Variants in PSMC1 observed in about 807,000 individuals in gnomAD.
PSMC1 encodes proteasome 26S subunit, ATPase 1, also known as 26S proteasome regulatory subunit 4.
Under a neutral mutation model 49.8 loss-of-function variants are expected in PSMC1, and 5 were observed. The ratio of observed to expected loss-of-function variants is 0.10; its 90% CI spans 0.05 to 0.21. The LOEUF (loss-of-function observed/expected upper bound fraction) is 0.21. PSMC1 is among the 10% of genes least tolerant of loss of function. The pLI is 1.00. For synonymous variants in PSMC1, 155 were observed against 192.1 expected (o/e 0.81, Z 1.60); for missense variants, 181 against 535.7 (o/e 0.34, Z 6.54).
In PSMC1 at chr14:90,273,386, CA is replaced by C. The variant is rs1057286633; in HGVS notation, c.*980del. Reference sequence around the variant, plus strand: ...CAGCCTGGCCAACATGGTGAAACCCCATCTTTACTAAAAATACAAAAATTAG... The same window carrying C: ...CAGCCTGGCCAACATGGTGAAACCCCTCTTTACTAAAAATACAAAAATTAG... On this transcript the variant is annotated 3_prime_UTR_variant, in exon 11 of 11. Transcript: ENST00000261303. The C allele has an allele frequency of 1.5e-4, 11 of 72,738 alleles. No individual in the cohort carries two copies. The highest frequency in any genetic ancestry group is 3.6e-4 in the African/African-American group (11 of 30,944). The allele number at this position is 72,738 out of a possible 1,614,324, so 4.5% of individuals were successfully genotyped here. A position where few individuals can be genotyped will look rare whatever the true frequency, so the allele number is the denominator to read the frequency against.
At position 90,268,158 on chromosome 14, in the gene PSMC1, C is replaced by T. The variant is rs371887140; in HGVS notation, c.692-66C>T. The stretch of plus-strand genomic sequence containing the variant: ...GTGTCCATTTAAGGTGGTAATGATA[C>T]GAGTTTTTAAGTTAAAATGGCACTT... On this transcript the variant is annotated intron_variant, in intron 7 of 10. Transcript: ENST00000261303. The T allele has an allele frequency of 1.0e-4, 137 of 1,335,672 alleles. No homozygotes were observed. In the African/African-American group the frequency reaches 1.6e-3, roughly 15 times the overall value. The allele number at this position is 1,335,672 out of a possible 1,614,324, so 82.7% of individuals were successfully genotyped here.
chr14:90,260,548 CG>C, intron 3 of PSMC1, among the ~76,000 whole-genome samples: 1 of 152,256 alleles, frequency 6.6e-6, no homozygotes, highest in East Asian at 1.9e-4. Flanking sequence ...TGGCAAAACA[CG>C]GTGAAACCCT....
chr14:90,262,569 G>A (rs2139644537), intron 3 of PSMC1, among the ~76,000 whole-genome samples: 1 of 152,278 alleles, frequency 6.6e-6, no homozygotes, highest in Admixed American at 6.5e-5. Flanking sequence ...TGGATCACGA[G>A]GTCAGGAGAT....
chr14:90,262,927 T>C (rs938241481), intron 3 of PSMC1, among the ~76,000 whole-genome samples: 3 of 152,150 alleles, frequency 2.0e-5, no homozygotes, highest in African/African-American at 7.2e-5. Context: ...TACAAATAGA[T>C]GAGTATGTAT....
In PSMC1 at chr14:90,265,182, G is replaced by T. The variant is rs372545289; in HGVS notation, c.691+16G>T. On this transcript the variant is annotated intron_variant, in intron 7 of 10. Transcript: ENST00000261303. ...CCTGGCACAGGTATGCTCTGTTTTT[G>T]ACACTTTCCAGGCACCCAGCTGGTC... is the stretch of plus-strand genomic sequence containing the variant. 1.3e-6 allele frequency: 2 copies of T among 1,581,356 alleles called. No homozygotes were observed. Among genetic ancestry groups the T allele is most frequent in the African/African-American group, 2.7e-5 (2 of 73,952 alleles).
At chr14:90,265,726 G>T (rs1292916353) in intron 7 of PSMC1, among the ~76,000 whole-genome samples, 2 of 150,532 alleles carry the variant, frequency 1.3e-5, no homozygotes, top group East Asian at 2.0e-4. Flanking sequence ...GGGCGTGGTA[G>T]TGCATGCCTG....
At chr14:90,262,892 TA>T (rs1198228645) in intron 3 of PSMC1, among the ~76,000 whole-genome samples, 1 of 152,172 alleles carries the variant, frequency 6.6e-6, no homozygotes, top group Non-Finnish European at 1.5e-5. Context: ...TAAGCAGGGT[TA>T]ATATCCCTGA....
rs1891701578 is a variant in PSMC1, at chr14:90,272,711, G to GA, written c.*306dup. The GA allele has an allele frequency of 4.2e-6, 1 of 236,234 alleles. No homozygotes were observed. The highest frequency in any genetic ancestry group is 2.3e-5 in the African/African-American group (1 of 43,466). The allele number at this position is 236,234 out of a possible 1,614,324, so 14.6% of individuals were successfully genotyped here. On this transcript the variant is annotated 3_prime_UTR_variant, in exon 11 of 11. Coordinates refer to ENST00000261303, the MANE Select transcript of PSMC1 (RefSeq NM_002802.3). The surrounding 1 kb of genome is among the most constrained non-coding windows in gnomAD (Gnocchi z 4.5). ...CAGCTACAGGGAAGCCTTTGGACAGGAACTCAGGCTGCGGTCCCAAGGAGT... is the reference window on the plus strand; with the variant it reads ...CAGCTACAGGGAAGCCTTTGGACAGGAAACTCAGGCTGCGGTCCCAAGGAGT...
intron 3 of PSMC1, 42 bp from the exon 4 acceptor site, chr14:90,263,276 T>C: frequency 1.3e-6 from 2 of 1,559,372 alleles, no homozygotes; most frequent in Non-Finnish European, 8.6e-7. Context: ...ACTTGCAAAC[T>C]TCAGGGTCCA....
At chr14:90,268,191 CTTTTT>C (rs34247505) in intron 7 of PSMC1, 28 bp from the exon 8 acceptor site, 2 of 1,303,802 alleles carry the variant, frequency 1.5e-6, no homozygotes, top group Admixed American at 2.6e-5. Flanking sequence ...CTTAAGGTGT[CTTTTT>C]TTTTTTTATC....
chr14:90,259,198 C>G lies in PSMC1; in HGVS notation c.42C>G (p.Gly14=). 6.2e-7 allele frequency: 1 copy of G among 1,613,632 alleles called. No homozygotes were observed. Among genetic ancestry groups the G allele is most frequent in the Non-Finnish European group, 8.5e-7 (1 of 1,179,758 alleles). Residue 14 remains glycine (G), a synonymous_variant, in exon 2 of 11, where the codon GGC becomes GGG. Transcript: ENST00000261303. The part of the protein sequence containing the change: ...SQSGGHGPGG[G]KKDDKDKKKK... ...GTGGTGGTCATGGTCCTGGAGGTGG[C>G]AAGAAGGATGACAAGGTAAATATGC...
At chr14:90,258,399 G>T (rs1891335775) in intron 1 of PSMC1, among the ~76,000 whole-genome samples, 1 of 152,222 alleles carries the variant, frequency 6.6e-6, no homozygotes. Flanking sequence ...AGAAGTGCCT[G>T]TGTGGAGCTG....
chr14:90,265,991 C>G (rs1165042038), intron 7 of PSMC1, among the ~76,000 whole-genome samples: 1 of 152,158 alleles, frequency 6.6e-6, no homozygotes, highest in Non-Finnish European at 1.5e-5. Context: ...CATGGTGGCT[C>G]ATGCCTATAA....
Position 90,274,836 on chromosome 14 carries a change from A to ACCCCCCC in PSMC1, c.*2430_*2431insCCCCCCC, listed in dbSNP as rs1270606628. 14 of 59,232 alleles carry ACCCCCCC rather than the reference A, an allele frequency of 2.4e-4. No individual in the cohort carries two copies. Among genetic ancestry groups the ACCCCCCC allele is most frequent in the Admixed American group, 3.8e-4 (2 of 5,314 alleles). The allele number at this position is 59,232 out of a possible 1,614,324, so 3.7% of individuals were successfully genotyped here. On this transcript the variant is annotated 3_prime_UTR_variant, in exon 11 of 11. Transcript: ENST00000261303. ...CACACACACACACACACACACACAC[A>ACCCCCCC]CACCCCAATACATATGAATTGATCT...
chr14:90,267,137 T>C (rs1891537624), intron 7 of PSMC1, among the ~76,000 whole-genome samples: 1 of 151,650 alleles, frequency 6.6e-6, no homozygotes, highest in South Asian at 2.1e-4. Flanking sequence ...TCTTTTCTTT[T>C]TTTTTTTTTT....
intron 6 of PSMC1, 79 bp downstream of exon 6, chr14:90,264,248 G>T (rs1171503212): frequency 1.9e-6 from 3 of 1,567,594 alleles, no homozygotes; most frequent in East Asian, 2.3e-5. Context: ...CAGGTGTTTT[G>T]TATGTTTGCT....
In PSMC1 at chr14:90,269,461, T is replaced by C. The variant is rs747078936; in HGVS notation, c.946T>C (p.Leu316=). The change falls in exon 9 of 11, where the codon TTG becomes CTG. Residue 316 remains leucine (L), a synonymous_variant. Transcript: ENST00000261303. ...QRTMLELLNQ[L]DGFDSRGDVK... is the part of the protein sequence containing the mutation. ...AACAATGTTGGAACTGCTGAACCAG[T>C]TGGATGGATTTGATTCTAGGGGAGA... The C allele has an allele frequency of 1.2e-6, 2 of 1,613,104 alleles. No homozygotes were observed. Among genetic ancestry groups the C allele is most frequent in the African/African-American group, 1.3e-5 (1 of 74,940 alleles).
chr14:90,257,499 T>C (rs1891317440), intron 1 of PSMC1, among the ~76,000 whole-genome samples: 1 of 152,196 alleles, frequency 6.6e-6, no homozygotes, highest in African/African-American at 2.4e-5. Context: ...GAGGGAAATG[T>C]GGTCAAGGCA....
rs1362672924 is a variant in PSMC1 at position 90,273,584 on chromosome 14, A to C, written c.*1177A>C. Reference sequence around the variant, plus strand: ...AAAATAAATAAATAAATAAATAAAAACCACAATTTTATCTCAGTTCTGTAG... The same window carrying C: ...AAAATAAATAAATAAATAAATAAAACCCACAATTTTATCTCAGTTCTGTAG... On this transcript the variant is annotated 3_prime_UTR_variant, in exon 11 of 11. Coordinates refer to ENST00000261303, the MANE Select transcript of PSMC1 (RefSeq NM_002802.3). 1 of 152,246 alleles carries C rather than the reference A, an allele frequency of 6.6e-6. No individual in the cohort carries two copies. Among genetic ancestry groups the C allele is most frequent in the East Asian group, 1.9e-4 (1 of 5,172 alleles). The allele number at this position is 152,246 out of a possible 1,614,324, so 9.4% of individuals were successfully genotyped here.
Sources: allele counts gnomAD v4.1 joint callset (sites outside exome capture counted in the v4.1 genomes callset), GRCh38; gene constraint gnomAD v4.1.1; non-coding constraint Gnocchi (gnomAD v3.1); transcripts MANE v1.5; gene names NCBI Gene and HGNC (gene_info 2026-07-23, HGNC 2026-07-21).